The following NBEA variants were observed in gnomAD, a reference collection of about 807,000 sequenced individuals.
NBEA encodes the protein lysosomal-trafficking regulator 2.
Under a neutral mutation model 343.4 loss-of-function variants are expected in NBEA, and 44 were observed. That is an observed-to-expected ratio of 0.13 (90% CI 0.10 to 0.16). The LOEUF (loss-of-function observed/expected upper bound fraction) is 0.16. Ranked by LOEUF, NBEA falls within the 10% of genes least tolerant of loss-of-function variation. The pLI is 1.00. For missense variants in NBEA, 2,555 were observed against 3,631.3 expected, an observed-to-expected ratio of 0.70 and a Z score of 7.62; for synonymous variants, 1,175 against 1,238.7, an observed-to-expected ratio of 0.95 and a Z score of 1.08.
intron 11 of NBEA, among the ~76,000 whole-genome samples, chr13:35,101,354 A>G (rs751620463): frequency 3.3e-5 from 5 of 151,820 alleles, no homozygotes; most frequent in Non-Finnish European, 5.9e-5. Context: ...CTTGTTTTGT[A>G]TGTCTTTTTG....
intron 1 of NBEA, among the ~76,000 whole-genome samples, chr13:35,019,051 G>GCATATTTTT (rs1555278059): frequency 2.8e-5 from 4 of 144,142 alleles, no homozygotes; most frequent in Non-Finnish European, 4.6e-5. Context: ...TGTCATTTGA[G>GCATATTTTT]TTTTTTTTTT....
At chr13:34,975,901 A>G (rs1047243214) in intron 1 of NBEA, among the ~76,000 whole-genome samples, 1 of 152,220 alleles carries the variant, frequency 6.6e-6, no homozygotes, top group Non-Finnish European at 1.5e-5. Flanking sequence ...AAGAATGGCC[A>G]TATCAAAAAA....
At chr13:35,532,354 C>A (rs2152999217) in intron 41 of NBEA, among the ~76,000 whole-genome samples, 1 of 152,072 alleles carries the variant, frequency 6.6e-6, no homozygotes, top group East Asian at 1.9e-4. Context: ...ATAGAGAAAC[C>A]ATTAACCCTT....
chr13:35,414,102 A>G (rs2152918856), intron 38 of NBEA, among the ~76,000 whole-genome samples: 1 of 152,274 alleles, frequency 6.6e-6, no homozygotes, highest in East Asian at 1.9e-4. Flanking sequence ...ATGCTTTTAT[A>G]TACCAAACTG....
intron 49 of NBEA, among the ~76,000 whole-genome samples, chr13:35,634,411 T>C (rs2083607283): frequency 6.6e-6 from 1 of 152,234 alleles, no homozygotes; most frequent in Admixed American, 6.5e-5. Flanking sequence ...ACACTATTAC[T>C]GGCATTAAAG....
At chr13:35,057,277 A>G (rs1410184321) in intron 7 of NBEA, among the ~76,000 whole-genome samples, 1 of 152,032 alleles carries the variant, frequency 6.6e-6, no homozygotes, top group African/African-American at 2.4e-5. Flanking sequence ...CCTGTCTTGT[A>G]TTCTTTTAAC....
At chr13:35,154,202 G>A (rs990242710) in intron 18 of NBEA, among the ~76,000 whole-genome samples, 2 of 152,088 alleles carry the variant, frequency 1.3e-5, no homozygotes, top group Admixed American at 6.6e-5. Context: ...TTATGTAAAT[G>A]TCCTGTCTTA....
At chr13:35,098,483 A>G in intron 11 of NBEA, 78 bp downstream of exon 11, 3 of 1,022,018 alleles carry the variant, frequency 2.9e-6, no homozygotes, top group Non-Finnish European at 4.4e-6. Flanking sequence ...TTTTTTCTGT[A>G]ATTTCACTTT....
chr13:35,422,006 T>C (rs1303053620), intron 38 of NBEA, among the ~76,000 whole-genome samples: 1 of 152,096 alleles, frequency 6.6e-6, no homozygotes, highest in East Asian at 1.9e-4. Context: ...GGATTTATCA[T>C]GTTTAGAGTT....
intron 1 of NBEA, among the ~76,000 whole-genome samples, chr13:35,006,909 C>T (rs748479464): frequency 9.2e-5 from 14 of 152,182 alleles, no homozygotes; most frequent in South Asian, 2.1e-4. Flanking sequence ...TGCACCACCA[C>T]GCCTGGCTGA....
intron 38 of NBEA, among the ~76,000 whole-genome samples, chr13:35,379,399 T>A (rs949961472): frequency 6.6e-6 from 1 of 152,198 alleles, no homozygotes; most frequent in African/African-American, 2.4e-5. Flanking sequence ...TCTATTGGAT[T>A]GTCTTTTTAT....
At chr13:34,966,108 A>G (rs1450222274) in intron 1 of NBEA, among the ~76,000 whole-genome samples, 7 of 152,080 alleles carry the variant, frequency 4.6e-5, no homozygotes, top group Non-Finnish European at 7.4e-5. Flanking sequence ...ACTTTATGAC[A>G]TAGGCATTTG....
intron 41 of NBEA, among the ~76,000 whole-genome samples, chr13:35,485,504 A>G (rs1476561954): frequency 6.6e-6 from 1 of 152,114 alleles, no homozygotes; most frequent in Admixed American, 6.6e-5. Flanking sequence ...GAAAATTCAA[A>G]TATGTTCACT....
chr13:35,456,499 G>T (rs938293634), intron 40 of NBEA, among the ~76,000 whole-genome samples: 9 of 151,964 alleles, frequency 5.9e-5, no homozygotes, highest in African/African-American at 1.7e-4. Flanking sequence ...TGTGACTAAA[G>T]ATTTCAATTT....
At chr13:35,114,935 C>T (rs1326261669) in intron 13 of NBEA, among the ~76,000 whole-genome samples, 2 of 152,092 alleles carry the variant, frequency 1.3e-5, no homozygotes, top group Non-Finnish European at 2.9e-5. Flanking sequence ...AGATAATTTG[C>T]ACTACACTAG....
chr13:35,147,363 T>C (rs1270508664), intron 18 of NBEA, among the ~76,000 whole-genome samples: 2 of 152,216 alleles, frequency 1.3e-5, no homozygotes, highest in East Asian at 3.9e-4. Context: ...CAGAATTCCT[T>C]CATGAATTTA....
intron 34 of NBEA, among the ~76,000 whole-genome samples, chr13:35,255,583 G>T (rs536279853): frequency 3.9e-5 from 6 of 152,350 alleles, no homozygotes; most frequent in African/African-American, 1.4e-4. Flanking sequence ...TAGATCAGGT[G>T]CATCATACGC....
intron 35 of NBEA, among the ~76,000 whole-genome samples, chr13:35,298,239 A>G (rs868296286): frequency 4.3e-5 from 5 of 115,420 alleles, no homozygotes; most frequent in South Asian, 5.9e-4. Flanking sequence ...ATATATATAT[A>G]TATATATATG....
chr13:35,447,490 T>TTATA (rs138285284), intron 39 of NBEA, among the ~76,000 whole-genome samples: 1,835 of 150,732 alleles, frequency 0.012, 49 homozygotes, highest in African/African-American at 0.041. Flanking sequence ...ATACAGAGCT[T>TTATA]TATATATATA....
Sources: gnomAD v4.1 joint callset for allele counts (sites outside exome capture counted in the v4.1 genomes callset) on GRCh38, gnomAD v4.1.1 for gene constraint, MANE v1.5 for transcripts, NCBI Gene and HGNC (gene_info 2026-07-23, HGNC 2026-07-21) for gene names.